RABGEF1: variants seen among roughly 807,000 people sequenced by gnomAD.
RABGEF1 encodes the protein rab5 GDP/GTP exchange factor.
A neutral mutation model predicts 57.3 loss-of-function variants in RABGEF1; 26 were observed. The observed-to-expected ratio is 0.45, with a 90% confidence interval of 0.33 to 0.63. RABGEF1 has a LOEUF of 0.63. Ranked by LOEUF, RABGEF1 falls within the 20% of genes least tolerant of loss-of-function variation. The pLI, the probability that RABGEF1 is intolerant of heterozygous loss-of-function variation, is 0.02. For synonymous variants in RABGEF1, 185 were observed against 210.7 expected, an observed-to-expected ratio of 0.88 and a Z score of 1.06; for missense variants, 464 against 607.6, an observed-to-expected ratio of 0.76 and a Z score of 2.48.
chr7:66,671,171 C>G, the RABGEF1 span, among the ~76,000 whole-genome samples: 3 of 151,696 alleles, frequency 2.0e-5, no homozygotes, highest in East Asian at 3.9e-4. Context: ...TTTGTTTTTT[C>G]GGGGGCTGCA....
At chr7:66,743,359 C>T (rs62466805) in intron 1 of RABGEF1, among the ~76,000 whole-genome samples, 5,940 of 151,648 alleles carry the variant, frequency 0.039, 164 homozygotes, top group East Asian at 0.085. Context: ...CTCTCTCTCC[C>T]TGTCTCCCAG....
chr7:66,773,468 T>G (rs1807712707), intron 2 of RABGEF1, among the ~76,000 whole-genome samples: 1 of 152,204 alleles, frequency 6.6e-6, no homozygotes, highest in African/African-American at 2.4e-5. Flanking sequence ...TGCTTTTAAT[T>G]GTGACCCTGC....
At chr7:66,757,136 T>TA (rs1470086990) in intron 1 of RABGEF1, among the ~76,000 whole-genome samples, 1 of 152,252 alleles carries the variant, frequency 6.6e-6, no homozygotes, top group Non-Finnish European at 1.5e-5. Flanking sequence ...TTGACACTGT[T>TA]ACAACATTTA....
At chr7:66,674,500 A>G in the RABGEF1 span, among the ~76,000 whole-genome samples, 4 of 152,088 alleles carry the variant, frequency 2.6e-5, no homozygotes, top group African/African-American at 7.2e-5. Flanking sequence ...AAGGTCTTAC[A>G]TAGGAATGTT....
chr7:66,706,821 G>C (rs563110331), intron 1 of RABGEF1, among the ~76,000 whole-genome samples: 1 of 118,830 alleles, frequency 8.4e-6, no homozygotes, highest in African/African-American at 3.3e-5. Flanking sequence ...TTGCTCTGTC[G>C]CCCAGGCTGG....
At chr7:66,772,217 C>T in intron 2 of RABGEF1, 139 bp downstream of exon 2, 5 of 590,968 alleles carry the variant, frequency 8.5e-6, no homozygotes, top group South Asian at 6.8e-5. Flanking sequence ...ATGTTTTCCT[C>T]TCTTCTTCTC....
chr7:66,751,613 G>C (rs549044344), intron 1 of RABGEF1, among the ~76,000 whole-genome samples: 56 of 152,226 alleles, frequency 3.7e-4, no homozygotes, highest in African/African-American at 1.3e-3. Flanking sequence ...GGATAAGGCC[G>C]CATTTTGCTC....
chr7:66,667,514 C>T, the RABGEF1 span: 1 of 152,408 alleles, frequency 6.6e-6, no homozygotes, highest in Non-Finnish European at 1.5e-5. Context: ...CTGAGAACCC[C>T]CAAGGCAGCA....
At chr7:66,737,394 C>G (rs561686088), upstream of RABGEF1, among the ~76,000 whole-genome samples, 1 of 151,796 alleles carries the variant, frequency 6.6e-6, no homozygotes, top group Admixed American at 6.6e-5. Context: ...GCTGGGACTA[C>G]AGGCGTGTGC....
intron 4 of RABGEF1, among the ~76,000 whole-genome samples, chr7:66,790,832 A>T (rs1812477827): frequency 6.6e-6 from 1 of 152,208 alleles, no homozygotes; most frequent in South Asian, 2.1e-4. Context: ...CTTACTTAGT[A>T]AAAAAGGCCA....
chr7:66,792,212 G>T (rs1812868386), intron 4 of RABGEF1, among the ~76,000 whole-genome samples: 1 of 151,464 alleles, frequency 6.6e-6, no homozygotes, highest in Admixed American at 6.6e-5. Context: ...TTTTTTTCTT[G>T]GAAAATTATG....
At chr7:66,787,222 C>G (rs1811386518) in intron 4 of RABGEF1, among the ~76,000 whole-genome samples, 1 of 149,796 alleles carries the variant, frequency 6.7e-6, no homozygotes, top group African/African-American at 2.5e-5. Flanking sequence ...TTTGTAGACA[C>G]AGGATTTCAC....
chr7:66,736,181 T>C (rs1405300807), upstream of RABGEF1, among the ~76,000 whole-genome samples: 5 of 152,196 alleles, frequency 3.3e-5, no homozygotes, highest in Admixed American at 6.5e-5. Context: ...CCCCTAGTCA[T>C]AGGTAATACC....
At chr7:66,766,705 T>TA (rs1324644584) in intron 1 of RABGEF1, among the ~76,000 whole-genome samples, 2 of 138,032 alleles carry the variant, frequency 1.4e-5, no homozygotes, top group East Asian at 4.4e-4. Context: ...TTCCCACTGT[T>TA]ACCTCTTATT....
intron 1 of RABGEF1, among the ~76,000 whole-genome samples, chr7:66,764,752 T>G (rs1562810589): frequency 6.6e-6 from 1 of 152,240 alleles, no homozygotes; most frequent in Non-Finnish European, 1.5e-5. Context: ...GGTACTTTTA[T>G]GGAAAATCAG....
At chr7:66,680,080 TAG>T, upstream of RABGEF1, among the ~76,000 whole-genome samples, 1 of 152,330 alleles carries the variant, frequency 6.6e-6, no homozygotes, top group Non-Finnish European at 1.5e-5. Flanking sequence ...CAGAATGGTT[TAG>T]AGAATGGTGT....
intron 1 of RABGEF1, among the ~76,000 whole-genome samples, chr7:66,771,017 C>T (rs1806975971): frequency 6.6e-6 from 1 of 152,014 alleles, no homozygotes; most frequent in Non-Finnish European, 1.5e-5. Flanking sequence ...GGAGTTCCTT[C>T]GTATTTTAGA....
At chr7:66,766,236 G>A (rs1284245182) in intron 1 of RABGEF1, among the ~76,000 whole-genome samples, 1 of 150,788 alleles carries the variant, frequency 6.6e-6, no homozygotes, top group Non-Finnish European at 1.5e-5. Flanking sequence ...TTGAGCTCGG[G>A]AAGTCAAGGC....
chr7:66,720,960 C>G (rs1457494471), intron 2 of RABGEF1, among the ~76,000 whole-genome samples: 3 of 152,148 alleles, frequency 2.0e-5, no homozygotes, highest in Non-Finnish European at 4.4e-5. Context: ...CTCTGTCGCC[C>G]AAGCTTGAGT....
Sources: gnomAD v4.1 joint callset for allele counts (sites outside exome capture counted in the v4.1 genomes callset) on GRCh38, gnomAD v4.1.1 for gene constraint, MANE v1.5 for transcripts, NCBI Gene and HGNC (gene_info 2026-07-23, HGNC 2026-07-21) for gene names.